TMEM71: variants seen among roughly 807,000 people sequenced by gnomAD.
TMEM71 encodes transmembrane protein 71.
TMEM71 carries 44 observed loss-of-function variants against 38.0 expected under a neutral mutation model. The ratio of observed to expected loss-of-function variants is 1.16; its 90% CI spans 0.91 to 1.49. TMEM71 has a LOEUF of 1.49. Among genes scored for constraint, TMEM71 ranks in the 40% most tolerant of loss-of-function variants. The probability of loss-of-function intolerance (pLI) is 0.00; values close to 1 mark genes in which losing one functional copy is unlikely to be tolerated. For missense variants in TMEM71, 367 were observed against 348.6 expected (o/e 1.05, Z -0.42); for synonymous variants, 133 against 122.5 (o/e 1.09, Z -0.56).
chr8:132,723,013 A>G (rs373532434), intron 6 of TMEM71, among the ~76,000 whole-genome samples: 1 of 152,376 alleles, frequency 6.6e-6, no homozygotes, highest in East Asian at 1.9e-4. Flanking sequence ...ATTTTGCAAC[A>G]GTTGTTTAAA....
intron 6 of TMEM71, among the ~76,000 whole-genome samples, chr8:132,725,077 T>C (rs1419096291): frequency 6.6e-6 from 1 of 151,882 alleles, no homozygotes; most frequent in East Asian, 1.9e-4. Context: ...CTCACTCTAT[T>C]TCCCAGGCTG....
Position 132,727,800 on chromosome 8 carries a change from G to A in TMEM71, c.674C>T (p.Ser225Leu), listed in dbSNP as rs1237671238. ...ATATTTAAAACACCTGAACTCACCT[G>A]AATGATCCGAACTATTCTCTTGGAA... ...ERFQENSSDH[S>L]ETRLLQEVFF... The change falls in exon 6 of 10, where the codon TCA (serine) becomes TTA (leucine). Residue 225 changes from serine to leucine, a missense_variant and splice_region_variant. Transcript: ENST00000677595. The A allele has an allele frequency of 6.2e-7, 1 of 1,604,484 alleles. No homozygotes were observed. The highest frequency in any genetic ancestry group is 8.5e-7 in the Non-Finnish European group (1 of 1,175,794).
At chr8:132,752,481 G>A (rs1828769162) in intron 3 of TMEM71, among the ~76,000 whole-genome samples, 1 of 152,146 alleles carries the variant, frequency 6.6e-6, no homozygotes, top group Non-Finnish European at 1.5e-5. Flanking sequence ...CAGGCTGGCT[G>A]TACAAATGGG....
intron 4 of TMEM71, among the ~76,000 whole-genome samples, chr8:132,749,028 A>G (rs999775838): frequency 3.9e-5 from 6 of 152,266 alleles, no homozygotes; most frequent in African/African-American, 1.4e-4. Context: ...AAAACAGTTG[A>G]GATAGTCCCT....
chr8:132,749,970 C>T (rs556787168), intron 4 of TMEM71, among the ~76,000 whole-genome samples: 3 of 147,850 alleles, frequency 2.0e-5, no homozygotes, highest in South Asian at 2.1e-4. Flanking sequence ...GCAGAGATAG[C>T]GCCACTGTAC....
chr8:132,775,358 G>C, the TMEM71 span: 1 of 357,794 alleles, frequency 2.8e-6, no homozygotes, highest in Non-Finnish European at 5.0e-6. Flanking sequence ...GTCGCGGGCG[G>C]CTGACGTCGC....
chr8:132,762,138 G>A (rs1829308206), upstream of TMEM71, among the ~76,000 whole-genome samples: 1 of 152,168 alleles, frequency 6.6e-6, no homozygotes, highest in Non-Finnish European at 1.5e-5. Context: ...CCTAACACAG[G>A]TCACTTCCTG....
chr8:132,728,713 C>T (rs1302036234), intron 5 of TMEM71, among the ~76,000 whole-genome samples: 1 of 152,200 alleles, frequency 6.6e-6, no homozygotes, highest in Non-Finnish European at 1.5e-5. Context: ...AACTTTACAG[C>T]AGTCAACTCT....
chr8:132,735,497 T>C (rs1827698223), intron 5 of TMEM71, among the ~76,000 whole-genome samples: 1 of 152,164 alleles, frequency 6.6e-6, no homozygotes, highest in Non-Finnish European at 1.5e-5. Context: ...CTGGGGAAGA[T>C]GTGATTACTC....
chr8:132,751,563 T>C (rs1828707840), intron 4 of TMEM71, among the ~76,000 whole-genome samples: 1 of 152,226 alleles, frequency 6.6e-6, no homozygotes, highest in Non-Finnish European at 1.5e-5. Context: ...TCTGGAGCAA[T>C]AATGGGCTCC....
intron 5 of TMEM71, among the ~76,000 whole-genome samples, chr8:132,736,830 CA>C (rs34959336): frequency 0.37 from 55,137 of 147,430 alleles, 10,686 homozygotes; most frequent in South Asian, 0.5. Context: ...GACTCTGTCT[CA>C]AAAAAAAAAA....
chr8:132,742,987 A>G lies in TMEM71; in HGVS notation c.487+3955T>C, dbSNP rs1215322508. 2.0e-5 allele frequency among the ~76,000 whole-genome samples: 3 copies of G among 152,144 alleles called. No individual in the cohort carries two copies. In the East Asian group the frequency reaches 5.8e-4, roughly 29 times the overall value. On this transcript the variant is annotated intron_variant, in intron 5 of 9. Transcript: ENST00000677595. ...CGTGCAGGGAAACTTCCCCTGATAG[A>G]ATCATCAGATCTTGTGAGACGTATT...
At chr8:132,715,433 A>AG (rs1563741886) in intron 7 of TMEM71, among the ~76,000 whole-genome samples, 1 of 151,008 alleles carries the variant, frequency 6.6e-6, no homozygotes, top group Non-Finnish European at 1.5e-5. Flanking sequence ...AAAAAAAAAA[A>AG]AAGAATGAAA....
At chr8:132,735,671 C>A (rs919415944) in intron 5 of TMEM71, among the ~76,000 whole-genome samples, 1 of 152,174 alleles carries the variant, frequency 6.6e-6, no homozygotes, top group African/African-American at 2.4e-5. Context: ...GTGGTCCAAT[C>A]CCTTTGAAAT....
rs183699304 is a variant in TMEM71 at position 132,751,853 on chromosome 8, G to T, written c.246C>A (p.Cys82Ter). 1.6e-5 allele frequency: 26 copies of T among 1,613,964 alleles called. No individual in the cohort carries two copies. In the South Asian group the frequency reaches 2.4e-4, roughly 15 times the overall value. Residue 82 changes from cysteine (C) to a stop codon, truncating the protein, a stop_gained, in exon 4 of 10, where the codon TGC becomes TGA. Coordinates refer to ENST00000677595, the MANE Select transcript of TMEM71 (RefSeq NM_001382403.1). LOFTEE classifies it high-confidence loss of function. ...YYIWTEDSFL[C>*]DKDGNITLNP... ...TCAGAGTTATGTTGCCATCTTTGTC[G>T]CACAGGAAGCTGTCTTCAGTCCAAA...
At chr8:132,731,718 G>GA (rs1466741497) in intron 5 of TMEM71, among the ~76,000 whole-genome samples, 1 of 152,088 alleles carries the variant, frequency 6.6e-6, no homozygotes, top group African/African-American at 2.4e-5. Context: ...AGGGACAAAA[G>GA]AAAAACAGGG....
the TMEM71 span, among the ~76,000 whole-genome samples, chr8:132,770,600 G>A: frequency 6.6e-6 from 1 of 152,178 alleles, no homozygotes; most frequent in Non-Finnish European, 1.5e-5. Context: ...TAAACCTTAA[G>A]AAGTAGAGTG....
the TMEM71 span, chr8:132,775,527 C>A: frequency 2.9e-5 from 11 of 373,466 alleles, no homozygotes; most frequent in East Asian, 4.3e-4. Flanking sequence ...TCCGCTCCTG[C>A]TCCCTCCCCG....
intron 5 of TMEM71, among the ~76,000 whole-genome samples, chr8:132,737,945 G>C (rs1827836814): frequency 1.3e-5 from 2 of 151,954 alleles, no homozygotes; most frequent in East Asian, 1.9e-4. Context: ...ACCTCTACTG[G>C]TTATCTATTT....
Sources: gnomAD v4.1 joint callset for allele counts (sites outside exome capture counted in the v4.1 genomes callset) on GRCh38, gnomAD v4.1.1 for gene constraint, MANE v1.5 for transcripts, NCBI Gene and HGNC (gene_info 2026-07-23, HGNC 2026-07-21) for gene names.